Variants in LINGO2 observed in about 807,000 individuals in gnomAD.
LINGO2 encodes leucine rich repeat and Ig domain containing 2.
A neutral mutation model predicts 30.6 loss-of-function variants in LINGO2; 14 were observed. The ratio of observed to expected loss-of-function variants is 0.46; its 90% confidence interval spans 0.30 to 0.72. LINGO2 has a LOEUF of 0.72. Ranked by LOEUF, LINGO2 falls within the 30% of genes least tolerant of loss-of-function variation. The probability of loss-of-function intolerance (pLI) is 0.07; values close to 1 mark genes in which losing one functional copy is unlikely to be tolerated. For missense variants in LINGO2, 729 were observed against 751.7 expected (o/e 0.97, Z 0.35); for synonymous variants, 317 against 288.5 (o/e 1.10, Z -1.00).
chr9:27,983,955 C>CA (rs1164214842), intron 5 of LINGO2, among the ~76,000 whole-genome samples: 1 of 151,742 alleles, frequency 6.6e-6, no homozygotes, highest in African/African-American at 2.4e-5. Context: ...TGCACAGTTC[C>CA]AGGGCTGTGC....
chr9:28,479,911 G>GTATATATATATATATATATATA (rs58972403), intron 1 of LINGO2, among the ~76,000 whole-genome samples: 2 of 49,764 alleles, frequency 4.0e-5, no homozygotes, highest in African/African-American at 6.5e-5. Context: ...ATATACGTAG[G>GTATATATATATATATATATATA]TATATATATA....
chr9:28,101,240 A>G (rs1351811868), intron 4 of LINGO2, among the ~76,000 whole-genome samples: 1 of 152,056 alleles, frequency 6.6e-6, no homozygotes, highest in Non-Finnish European at 1.5e-5. Context: ...TTAGACCTTG[A>G]CTATTGATGG....
intron 4 of LINGO2, among the ~76,000 whole-genome samples, chr9:28,286,227 C>A (rs13286682): frequency 0.16 from 24,753 of 152,082 alleles, 2,764 homozygotes; most frequent in Non-Finnish European, 0.24. Context: ...GTCTGACCAA[C>A]AAGAGAGAGA....
the LINGO2 span, among the ~76,000 whole-genome samples, chr9:28,774,593 A>G: frequency 8.5e-5 from 8 of 93,752 alleles, no homozygotes; most frequent in East Asian, 1.9e-3. Flanking sequence ...CTCTGAACTT[A>G]AAAAAAAAAG....
intron 1 of LINGO2, among the ~76,000 whole-genome samples, chr9:28,526,516 A>G (rs1262553682): frequency 6.6e-6 from 1 of 152,238 alleles, no homozygotes; most frequent in Admixed American, 6.5e-5. Context: ...ACCCTATGAT[A>G]GCAAGATAAG....
At chr9:29,158,631 G>A in the LINGO2 span, among the ~76,000 whole-genome samples, 15 of 152,228 alleles carry the variant, frequency 9.9e-5, no homozygotes, top group South Asian at 2.1e-4. Flanking sequence ...AAAAGAACCC[G>A]GCAGTGGGTT....
At chr9:28,581,187 A>G (rs1824239560) in intron 1 of LINGO2, among the ~76,000 whole-genome samples, 1 of 151,942 alleles carries the variant, frequency 6.6e-6, no homozygotes, top group Admixed American at 6.6e-5. Flanking sequence ...GAGTCCATCT[A>G]ATATATTCCT....
intron 4 of LINGO2, among the ~76,000 whole-genome samples, chr9:28,178,211 G>A (rs1381802784): frequency 6.6e-6 from 1 of 152,088 alleles, no homozygotes; most frequent in East Asian, 1.9e-4. Context: ...TCAAGCTACA[G>A]ATACCCGCAG....
At position 28,382,366 on chromosome 9, in the gene LINGO2, C is replaced by T. The variant is rs114872317; in HGVS notation, c.-278-9498G>A. On this transcript the variant is annotated intron_variant, in intron 2 of 5. Transcript: ENST00000379992. Reference sequence around the variant, plus strand: ...TTCACATGGAAAAACTCATTAGATACGTCTTTCCAAAATAATCACATTGAT... The same window carrying T: ...TTCACATGGAAAAACTCATTAGATATGTCTTTCCAAAATAATCACATTGAT... 1.9e-3 allele frequency among the ~76,000 whole-genome samples: 289 copies of T among 152,176 alleles called. 2 individuals are homozygous for T. Among genetic ancestry groups the T allele is most frequent in the African/African-American group, 6.7e-3 (277 of 41,542 alleles).
chr9:28,750,094 C>G, the LINGO2 span, among the ~76,000 whole-genome samples: 1 of 152,056 alleles, frequency 6.6e-6, no homozygotes, highest in Non-Finnish European at 1.5e-5. Flanking sequence ...TCTTTTTACT[C>G]ACAGACAAAC....
intron 5 of LINGO2, among the ~76,000 whole-genome samples, chr9:27,963,763 G>A (rs74528243): frequency 0.051 from 7,562 of 149,308 alleles, 342 homozygotes; most frequent in African/African-American, 0.1. Flanking sequence ...AGCAAGCAAA[G>A]GTTTTAATGA....
chr9:29,152,732 T>G, the LINGO2 span, among the ~76,000 whole-genome samples: 1 of 152,138 alleles, frequency 6.6e-6, no homozygotes, highest in Non-Finnish European at 1.5e-5. Flanking sequence ...TACCACAAAC[T>G]TCAGCATCAC....
the LINGO2 span, among the ~76,000 whole-genome samples, chr9:28,884,447 T>C: frequency 6.6e-6 from 1 of 152,104 alleles, no homozygotes; most frequent in Non-Finnish European, 1.5e-5. Context: ...AATGGAGACT[T>C]ACTATCGAAA....
the LINGO2 span, among the ~76,000 whole-genome samples, chr9:28,867,276 G>C: frequency 6.6e-6 from 1 of 151,994 alleles, no homozygotes; most frequent in Admixed American, 6.6e-5. Context: ...AAATAGAACA[G>C]GAAATGAAAA....
At chr9:28,403,916 T>G (rs1256271153) in intron 2 of LINGO2, among the ~76,000 whole-genome samples, 1 of 152,134 alleles carries the variant, frequency 6.6e-6, no homozygotes, top group Non-Finnish European at 1.5e-5. Flanking sequence ...TGGCATCATC[T>G]CTATTCTTCT....
chr9:29,129,592 T>TGG, the LINGO2 span, among the ~76,000 whole-genome samples: 3 of 152,102 alleles, frequency 2.0e-5, no homozygotes, highest in African/African-American at 7.2e-5. Context: ...GAATTCTAGT[T>TGG]GACACATGGT....
At chr9:28,258,111 C>A (rs1822442894) in intron 4 of LINGO2, among the ~76,000 whole-genome samples, 1 of 151,854 alleles carries the variant, frequency 6.6e-6, no homozygotes, top group Admixed American at 6.6e-5. Context: ...GATGAGGTGT[C>A]CAGTTTGTCT....
chr9:28,058,495 T>C (rs536300262), intron 4 of LINGO2, among the ~76,000 whole-genome samples: 3 of 152,274 alleles, frequency 2.0e-5, no homozygotes, highest in African/African-American at 7.2e-5. Context: ...TTAAATAAAC[T>C]TATAGTTTCT....
intron 2 of LINGO2, among the ~76,000 whole-genome samples, chr9:28,393,115 T>C (rs1261747372): frequency 6.6e-6 from 1 of 152,196 alleles, no homozygotes; most frequent in African/African-American, 2.4e-5. Flanking sequence ...GAGCTAATAT[T>C]TGAAATCAAG....
Sources: allele counts gnomAD v4.1 joint callset (sites outside exome capture counted in the v4.1 genomes callset), GRCh38; gene constraint gnomAD v4.1.1; transcripts MANE v1.5; gene names NCBI Gene and HGNC (gene_info 2026-07-23, HGNC 2026-07-21).